Variants in KLRG1 observed in about 807,000 individuals in gnomAD.
KLRG1 encodes the protein killer cell lectin-like receptor subfamily G member 1.
KLRG1 carries 16 observed loss-of-function variants against 21.8 expected under a neutral mutation model. That is an observed-to-expected ratio of 0.73 (90% confidence interval 0.50 to 1.11). KLRG1 has a LOEUF of 1.11. KLRG1 is among the 50% of genes most tolerant of loss of function. The pLI is 0.00. For synonymous variants in KLRG1, 69 were observed against 75.9 expected (o/e 0.91, Z 0.47); for missense variants, 173 against 218.3 (o/e 0.79, Z 1.31).
At chr12:9,194,962 A>G in the KLRG1 span, among the ~76,000 whole-genome samples, 1 of 152,148 alleles carries the variant, frequency 6.6e-6, no homozygotes, top group Non-Finnish European at 1.5e-5. Context: ...TAAAAGGGGG[A>G]TAATAGTTGT....
the KLRG1 span, among the ~76,000 whole-genome samples, chr12:9,021,132 A>G: frequency 6.6e-6 from 1 of 152,222 alleles, no homozygotes; most frequent in Non-Finnish European, 1.5e-5. Context: ...ACTTACCATG[A>G]ATGGAGCTTG....
the KLRG1 span, chr12:9,077,266 G>A: frequency 1.6e-6 from 2 of 1,289,082 alleles, no homozygotes; most frequent in Admixed American, 2.0e-5. Flanking sequence ...GCTTTTAATA[G>A]GATAGTATTT....
At chr12:9,135,161 G>T in the KLRG1 span, 1 of 222,236 alleles carries the variant, frequency 4.5e-6, no homozygotes, top group South Asian at 8.0e-5. Context: ...AAGGGCTCAC[G>T]AACGGGCAAC....
intron 1 of KLRG1, among the ~76,000 whole-genome samples, chr12:8,981,197 CT>C (rs1946749587): frequency 6.6e-6 from 1 of 152,164 alleles, no homozygotes; most frequent in East Asian, 1.9e-4. Context: ...GTTTATCAGT[CT>C]TAATCTTGTC....
the KLRG1 span, among the ~76,000 whole-genome samples, chr12:9,201,689 A>G: frequency 6.6e-6 from 1 of 152,138 alleles, no homozygotes; most frequent in Admixed American, 6.5e-5. Flanking sequence ...GGAAATAGAT[A>G]TTAATAGAGT....
At chr12:9,027,845 G>A in the KLRG1 span, 24 of 998,216 alleles carry the variant, frequency 2.4e-5, no homozygotes, top group Non-Finnish European at 3.5e-5. Flanking sequence ...CACTACCAAA[G>A]TTGTCACTCC....
At chr12:9,056,136 C>T in the KLRG1 span, among the ~76,000 whole-genome samples, 1 of 152,140 alleles carries the variant, frequency 6.6e-6, no homozygotes, top group South Asian at 2.1e-4. Flanking sequence ...AGCAAATTTG[C>T]TTCATCTGAA....
At chr12:9,152,680 T>C in the KLRG1 span, 3 of 839,466 alleles carry the variant, frequency 3.6e-6, no homozygotes, top group Admixed American at 3.0e-5. Context: ...CACGTCATAA[T>C]GATAAAAGCC....
At chr12:9,044,602 G>C in the KLRG1 span, among the ~76,000 whole-genome samples, 1 of 152,082 alleles carries the variant, frequency 6.6e-6, no homozygotes, top group East Asian at 1.9e-4. Flanking sequence ...AGGAGGCAGA[G>C]GTTGCAGTGA....
At chr12:9,173,131 C>T in the KLRG1 span, among the ~76,000 whole-genome samples, 38 of 152,310 alleles carry the variant, frequency 2.5e-4, 1 homozygote, top group East Asian at 1.5e-3. Flanking sequence ...GTCTTTCAGA[C>T]GACAGTGCAA....
chr12:9,076,390 T>A, the KLRG1 span, among the ~76,000 whole-genome samples: 1 of 152,208 alleles, frequency 6.6e-6, no homozygotes, highest in Non-Finnish European at 1.5e-5. Context: ...TTAATGACTT[T>A]CCCAAGCTCA....
intron 1 of KLRG1, among the ~76,000 whole-genome samples, chr12:8,951,607 CTTAT>C (rs1946207030): frequency 6.6e-6 from 1 of 152,150 alleles, no homozygotes; most frequent in African/African-American, 2.4e-5. Flanking sequence ...TTTCTACTGA[CTTAT>C]TTTTTATCAA....
chr12:9,118,933 A>G, the KLRG1 span, among the ~76,000 whole-genome samples: 3 of 152,206 alleles, frequency 2.0e-5, no homozygotes, highest in African/African-American at 7.2e-5. Flanking sequence ...AAAAGAGCCC[A>G]AGACAGAGTT....
At chr12:9,086,648 A>G in the KLRG1 span, among the ~76,000 whole-genome samples, 1 of 152,356 alleles carries the variant, frequency 6.6e-6, no homozygotes, top group African/African-American at 2.4e-5. Context: ...CCTCAACACA[A>G]TAAAGGGCAT....
At chr12:8,960,071 G>A (rs1946358147) in intron 1 of KLRG1, among the ~76,000 whole-genome samples, 1 of 152,178 alleles carries the variant, frequency 6.6e-6, no homozygotes, top group South Asian at 2.1e-4. Flanking sequence ...AAAATATATG[G>A]AACAATGGCT....
At chr12:9,204,215 T>C in the KLRG1 span, among the ~76,000 whole-genome samples, 2 of 152,198 alleles carry the variant, frequency 1.3e-5, no homozygotes, top group Non-Finnish European at 2.9e-5. Context: ...AGGCATTCCT[T>C]GCTGTAAAGA....
At chr12:9,112,276 G>A in the KLRG1 span, 48 of 1,606,876 alleles carry the variant, frequency 3.0e-5, 1 homozygote, top group South Asian at 4.5e-4. Context: ...GGTAAGACAA[G>A]CTATTAAGGA....
chr12:9,150,285 G>C, the KLRG1 span, among the ~76,000 whole-genome samples: 314 of 152,124 alleles, frequency 2.1e-3, 1 homozygote, highest in Non-Finnish European at 3.5e-3. Context: ...GTTTTGTGTT[G>C]TTTTTTCTTT....
At chr12:9,149,616 T>C in the KLRG1 span, 14 of 1,611,942 alleles carry the variant, frequency 8.7e-6, no homozygotes, top group Middle Eastern at 1.7e-4. Context: ...AAAGATAACG[T>C]TGGGTGAAGG....
Sources: allele counts gnomAD v4.1 joint callset (sites outside exome capture counted in the v4.1 genomes callset), GRCh38; gene constraint gnomAD v4.1.1; transcripts MANE v1.5; gene names NCBI Gene and HGNC (gene_info 2026-07-23, HGNC 2026-07-21).